Variants in OR3A2 observed in about 807,000 individuals in gnomAD.
OR3A2 encodes olfactory receptor 3A2.
For missense variants in OR3A2, 318 were observed against 392.8 expected, an observed-to-expected ratio of 0.81 and a Z score of 1.61; for synonymous variants, 126 against 159.3, an observed-to-expected ratio of 0.79 and a Z score of 1.57.
Position 3,311,657 on chromosome 17 carries a change from TCA to T in OR3A2, c.-85+24374_-85+24375del, listed in dbSNP as rs768157719. 1.4e-4 allele frequency: 41 copies of T among 296,590 alleles called. No homozygotes were observed. The highest frequency in any genetic ancestry group is 3.2e-4 in the South Asian group (8 of 24,782). The allele number at this position is 296,590 out of a possible 1,614,324, so 18.4% of individuals were successfully genotyped here. Reference sequence around the variant, plus strand: ...TTTATCTCAGTGTCCTATGCCCACGTCACAGCTGCAATATTACAAATCCGCTC... The same window carrying T: ...TTTATCTCAGTGTCCTATGCCCACGTCAGCTGCAATATTACAAATCCGCTC... On this transcript the variant is annotated intron_variant, in intron 3 of 4. Coordinates refer to the OR3A2 transcript ENST00000573491. This position sits in a 1 kb window ranked among gnomAD's most constrained non-coding sequence, Gnocchi z 4.6.
At chr17:3,310,306 C>T (rs530599543) in intron 3 of OR3A2, 13 of 530,070 alleles carry the variant, frequency 2.5e-5, no homozygotes, top group Non-Finnish European at 4.7e-5. Flanking sequence ...TAGTGGAAGA[C>T]AGCCATGGAT....
chr17:3,373,504 G>A (rs1229503012), intron 2 of OR3A2, among the ~76,000 whole-genome samples: 1 of 152,082 alleles, frequency 6.6e-6, no homozygotes, highest in Non-Finnish European at 1.5e-5. Flanking sequence ...TTAGAATTGT[G>A]ATATTTTCCT....
rs190302860 is a variant in OR3A2, at chr17:3,359,869, C to T, written c.-178-23743G>A. Among the ~76,000 whole-genome samples, 65 of 151,750 alleles carry T rather than the reference C, an allele frequency of 4.3e-4. No homozygotes were observed. The East Asian group carries it at 7.7e-3, about 18-fold the overall frequency. On this transcript the variant is annotated intron_variant, in intron 2 of 4. Transcript: ENST00000573491. ...AAGTCTTTGCTATTGTGAGTAGTGC[C>T]GCAATAAACATATGTGTGCATGTGT... is the stretch of plus-strand genomic sequence containing the variant.
At chr17:3,368,392 A>G (rs1457827616) in intron 2 of OR3A2, among the ~76,000 whole-genome samples, 2 of 152,184 alleles carry the variant, frequency 1.3e-5, no homozygotes, top group Non-Finnish European at 2.9e-5. Context: ...TCTTTGATCC[A>G]TCTTGAGTAG....
At chr17:3,341,869 C>T (rs559778694) in intron 2 of OR3A2, among the ~76,000 whole-genome samples, 3 of 152,134 alleles carry the variant, frequency 2.0e-5, no homozygotes, top group East Asian at 1.9e-4. Context: ...TTTCCAGCTT[C>T]GTTCCATTTT....
chr17:3,319,379 A>T (rs911862895), intron 3 of OR3A2, among the ~76,000 whole-genome samples: 17 of 151,864 alleles, frequency 1.1e-4, no homozygotes, highest in African/African-American at 3.9e-4. Flanking sequence ...TCATTTTTTT[A>T]AATTTTATTA....
chr17:3,291,939 G>C (rs1478608844), intron 3 of OR3A2: 4 of 1,614,092 alleles, frequency 2.5e-6, no homozygotes, highest in Non-Finnish European at 3.4e-6. Context: ...GACAATGAGA[G>C]CCATGGGGGT....
intron 1 of OR3A2, among the ~76,000 whole-genome samples, chr17:3,384,121 C>T (rs2049760753): frequency 6.6e-6 from 1 of 152,084 alleles, no homozygotes; most frequent in African/African-American, 2.4e-5. Context: ...CTGACTTAGT[C>T]CATCCTCCAG....
At chr17:3,370,860 T>C (rs2049609839) in intron 2 of OR3A2, among the ~76,000 whole-genome samples, 1 of 152,022 alleles carries the variant, frequency 6.6e-6, no homozygotes, top group South Asian at 2.1e-4. Flanking sequence ...AGCATCTGTT[T>C]AACAAAGCAC....
chr17:3,314,414 AT>A (rs2049065195), intron 3 of OR3A2, among the ~76,000 whole-genome samples: 2 of 152,228 alleles, frequency 1.3e-5, no homozygotes, highest in South Asian at 4.1e-4. Context: ...TAAAAAGCAT[AT>A]ATTTGTTTAA....
intron 2 of OR3A2, among the ~76,000 whole-genome samples, chr17:3,376,652 C>G (rs1395165838): frequency 6.6e-6 from 1 of 152,206 alleles, no homozygotes; most frequent in Non-Finnish European, 1.5e-5. Context: ...ACCAATAGCA[C>G]TGAGTTTATG....
chr17:3,320,475 T>A lies in OR3A2; in HGVS notation c.-85+15558A>T, dbSNP rs1264364817. 7.3e-5 allele frequency among the ~76,000 whole-genome samples: 9 copies of A among 123,554 alleles called. 1 individual carries two copies. Among genetic ancestry groups the A allele is most frequent in the South Asian group, 3.0e-4 (1 of 3,346 alleles). The allele number at this position is 123,554 out of a possible 152,430, so 81.1% of individuals were successfully genotyped here. A position where few individuals can be genotyped will look rare whatever the true frequency, so the allele number is the denominator to read the frequency against. On this transcript the variant is annotated intron_variant, in intron 3 of 4. Transcript: ENST00000573491. ...GCCCATGCCTATGTCCTGAATGGTA[T>A]TGCATAGGTTTTCTTCTAGGGTTTT...
intron 3 of OR3A2, among the ~76,000 whole-genome samples, chr17:3,306,981 G>A (rs1221713415): frequency 6.6e-6 from 1 of 152,120 alleles, no homozygotes; most frequent in Non-Finnish European, 1.5e-5. Context: ...ACGCGTGCTT[G>A]TGTGTGTGCG....
At chr17:3,348,064 C>T (rs1418897499) in intron 2 of OR3A2, among the ~76,000 whole-genome samples, 9 of 152,016 alleles carry the variant, frequency 5.9e-5, no homozygotes, top group South Asian at 2.1e-4. Flanking sequence ...TGTCTGTTCA[C>T]GTCCTTTGCC....
Position 3,282,340 on chromosome 17 carries a change from A to G in OR3A2, c.-7+2018T>C, listed in dbSNP as rs182192731. Among the ~76,000 whole-genome samples the G allele has an allele frequency of 2.8e-3, 423 of 152,298 alleles. 3 individuals are homozygous for G. Among genetic ancestry groups the G allele is most frequent in the Admixed American group, 5.8e-3 (88 of 15,290 alleles). On this transcript the variant is annotated intron_variant, in intron 1 of 1. Transcript: ENST00000642052. Reference sequence around the variant, plus strand: ...AGAATCACTTGAACCCGGGAGGCGGAGGTTGCAGTGAGCTGAGATCGCGCC... The same window carrying G: ...AGAATCACTTGAACCCGGGAGGCGGGGGTTGCAGTGAGCTGAGATCGCGCC...
At chr17:3,336,428 T>A (rs1243641292) in intron 2 of OR3A2, among the ~76,000 whole-genome samples, 1 of 152,220 alleles carries the variant, frequency 6.6e-6, no homozygotes, top group African/African-American at 2.4e-5. Context: ...GACAAAATTT[T>A]AGAACTATAT....
chr17:3,330,138 G>A (rs577740161), intron 3 of OR3A2, among the ~76,000 whole-genome samples: 2 of 148,722 alleles, frequency 1.3e-5, no homozygotes, highest in South Asian at 4.2e-4. Context: ...CCAAGTATGT[G>A]GTCAATTTTG....
At chr17:3,305,740 C>A (rs1302401737) in intron 3 of OR3A2, among the ~76,000 whole-genome samples, 1 of 152,172 alleles carries the variant, frequency 6.6e-6, no homozygotes, top group African/African-American at 2.4e-5. Flanking sequence ...AAATAAAATT[C>A]TATTAAATAT....
At chr17:3,383,587 T>C (rs2049756140) in intron 2 of OR3A2, among the ~76,000 whole-genome samples, 6 of 151,984 alleles carry the variant, frequency 3.9e-5, no homozygotes, top group Admixed American at 3.3e-4. Flanking sequence ...TAAGAGGAGT[T>C]TGGGGAGTGC....
Sources: gnomAD v4.1 joint callset for allele counts (sites outside exome capture counted in the v4.1 genomes callset) on GRCh38, gnomAD v4.1.1 for gene constraint, Gnocchi (gnomAD v3.1) non-coding constraint, MANE v1.5 for transcripts, NCBI Gene and HGNC (gene_info 2026-07-23, HGNC 2026-07-21) for gene names.